The following PDS5A variants were observed in gnomAD, a reference collection of about 807,000 sequenced individuals.
The protein encoded by PDS5A is sister chromatid cohesion protein PDS5 homolog A.
PDS5A carries 42 observed loss-of-function variants against 167.1 expected under a neutral mutation model. The observed-to-expected ratio is 0.25, with a 90% CI of 0.20 to 0.33. The LOEUF (loss-of-function observed/expected upper bound fraction) is 0.33, where lower values mean the gene tolerates loss of function less well. Among genes scored for constraint, PDS5A ranks in the 10% least tolerant of loss-of-function variants. PDS5A has a pLI of 1.00. For missense variants in PDS5A, 1,033 were observed against 1,605.9 expected (o/e 0.64, Z 6.10); for synonymous variants, 553 against 554.6 (o/e 1.00, Z 0.04).
chr4:39,857,095 G>A, intron 26 of PDS5A, among the ~76,000 whole-genome samples: 1 of 152,134 alleles, frequency 6.6e-6, no homozygotes, highest in East Asian at 1.9e-4. Context: ...GCTCATGCCT[G>A]TAATCTCAGC....
intron 4 of PDS5A, 111 bp downstream of exon 4, chr4:39,926,664 A>G: frequency 1.3e-6 from 1 of 745,094 alleles, no homozygotes. Context: ...AAGACATTTT[A>G]TTATAGGCTT....
intron 2 of PDS5A, chr4:39,933,532 C>T (rs2109750923): frequency 6.6e-6 from 1 of 151,994 alleles, no homozygotes; most frequent in East Asian, 1.9e-4. Context: ...CCCAATTGCA[C>T]TTGATATTGC....
At chr4:39,897,995 G>T in intron 16 of PDS5A, 3 of 924,070 alleles carry the variant, frequency 3.2e-6, no homozygotes, top group Non-Finnish European at 2.6e-6. Flanking sequence ...TACTTTATCT[G>T]TAAATGAAAC....
intron 17 of PDS5A, among the ~76,000 whole-genome samples, chr4:39,884,866 C>CATATGTCCT: frequency 6.6e-6 from 1 of 152,158 alleles, no homozygotes; most frequent in South Asian, 2.1e-4. Flanking sequence ...TCCTATAGAC[C>CATATGTCCT]ATTAACTAAC....
At chr4:39,943,758 G>T (rs1306303161) in intron 2 of PDS5A, among the ~76,000 whole-genome samples, 1 of 151,936 alleles carries the variant, frequency 6.6e-6, no homozygotes, top group Non-Finnish European at 1.5e-5. Flanking sequence ...AGTGAGCCGA[G>T]ATCGTATCAC....
chr4:39,891,517 G>A (rs147060505), intron 16 of PDS5A, among the ~76,000 whole-genome samples: 9 of 151,812 alleles, frequency 5.9e-5, no homozygotes, highest in African/African-American at 2.2e-4. Context: ...GCTTGGTGGC[G>A]CATGCCTGTA....
chr4:39,838,362 G>GGA (rs1716628710), intron 31 of PDS5A, among the ~76,000 whole-genome samples, 154 bp from the exon 32 acceptor site: 1 of 152,206 alleles, frequency 6.6e-6, no homozygotes, highest in South Asian at 2.1e-4. Flanking sequence ...AGCTCCTTGA[G>GGA]GAGAGTGACT....
chr4:39,890,491 G>A, intron 16 of PDS5A, 127 bp from the exon 17 acceptor site: 1 of 556,956 alleles, frequency 1.8e-6, no homozygotes, highest in Non-Finnish European at 3.1e-6. Context: ...TCTAGACCCT[G>A]ACTAAAATTT....
intron 2 of PDS5A, among the ~76,000 whole-genome samples, chr4:39,968,599 A>G (rs1730210875): frequency 6.6e-6 from 1 of 150,982 alleles, no homozygotes; most frequent in South Asian, 2.1e-4. Flanking sequence ...CACCCGGCTA[A>G]TTTTATATTT....
chr4:39,841,469 G>A (rs1039956267), intron 31 of PDS5A, among the ~76,000 whole-genome samples: 3 of 152,016 alleles, frequency 2.0e-5, no homozygotes, highest in Admixed American at 2.0e-4. Flanking sequence ...GTTGAAATGG[G>A]TAGTATAGGA....
Position 39,890,218 on chromosome 4 carries a change from T to C in PDS5A, c.1886+31A>G. On this transcript the variant is annotated intron_variant, in intron 17 of 32. Coordinates refer to ENST00000303538, the MANE Select transcript of PDS5A (RefSeq NM_001100399.2). ...AACATTGTCGTTGCAGATTATTATT[T>C]ATTTTTGAGCGAATATACTTCTTGG... 3 of 1,181,808 alleles carry C rather than the reference T, an allele frequency of 2.5e-6. No homozygotes were observed. In the South Asian group the frequency reaches 4.2e-5, roughly 16 times the overall value. The allele number at this position is 1,181,808 out of a possible 1,614,324, so 73.2% of individuals were successfully genotyped here. A position where few individuals can be genotyped will look rare whatever the true frequency, so the allele number is the denominator to read the frequency against.
At chr4:39,960,670 A>G (rs1308670031) in intron 2 of PDS5A, among the ~76,000 whole-genome samples, 1 of 151,754 alleles carries the variant, frequency 6.6e-6, no homozygotes, top group Non-Finnish European at 1.5e-5. Flanking sequence ...CTGGGACTAC[A>G]GGCACCTGCC....
In PDS5A at chr4:39,911,432, C is replaced by A. The variant is rs73129435; in HGVS notation, c.993-1094G>T. 2.5e-3 allele frequency among the ~76,000 whole-genome samples: 374 copies of A among 151,322 alleles called. 2 individuals are homozygous for A. Among genetic ancestry groups the A allele is most frequent in the African/African-American group, 8.3e-3 (342 of 41,286 alleles). ...AAAAATTTGTGTTGCACTGTCTCAC[C>A]ACTTAAGTTTCTTTTGGCCAGCACC... On this transcript the variant is annotated intron_variant, in intron 9 of 32. Transcript: ENST00000303538.
chr4:39,973,312 T>A (rs1374878164), intron 2 of PDS5A: 70 of 1,606,826 alleles, frequency 4.4e-5, no homozygotes, highest in Non-Finnish European at 6.8e-6. Context: ...CAAAGGTTCC[T>A]GACCTTGTAC....
chr4:39,836,634 T>C (rs1716428255), intron 32 of PDS5A, among the ~76,000 whole-genome samples: 1 of 137,160 alleles, frequency 7.3e-6, no homozygotes, highest in South Asian at 2.3e-4. Context: ...TTTTTTTTTT[T>C]TGTATTTTTA....
intron 2 of PDS5A, among the ~76,000 whole-genome samples, chr4:39,952,209 T>C (rs1407007893): frequency 6.6e-6 from 1 of 152,106 alleles, no homozygotes; most frequent in Non-Finnish European, 1.5e-5. Flanking sequence ...CATGTGCCTG[T>C]AGTCCCAGCT....
At chr4:39,848,022 T>C (rs532850135) in intron 28 of PDS5A, 2 of 152,320 alleles carry the variant, frequency 1.3e-5, no homozygotes, top group African/African-American at 4.8e-5. Flanking sequence ...GCGAGGGATC[T>C]AGGCTGTGTG....
chr4:39,910,395 T>C lies in PDS5A; in HGVS notation c.993-57A>G. 3 of 842,850 alleles carry C rather than the reference T, an allele frequency of 3.6e-6. No homozygotes were observed. The South Asian group carries it at 4.4e-5, about 12-fold the overall frequency. The allele number at this position is 842,850 out of a possible 1,614,324, so 52.2% of individuals were successfully genotyped here. On this transcript the variant is annotated intron_variant, in intron 9 of 32. Coordinates refer to ENST00000303538, the MANE Select transcript of PDS5A (RefSeq NM_001100399.2). ...GTAAGGCAAAATAATCACTCTCAAA[T>C]CAGGTATATCTAACATGAAAATACT... is the stretch of plus-strand genomic sequence containing the variant.
intron 2 of PDS5A, among the ~76,000 whole-genome samples, chr4:39,975,041 G>A (rs540529227): frequency 2.0e-5 from 3 of 151,014 alleles, no homozygotes; most frequent in Admixed American, 1.3e-4. Flanking sequence ...CCGGGAGGTG[G>A]AGGTTGCAGT....
Sources: gnomAD v4.1 joint callset for allele counts (sites outside exome capture counted in the v4.1 genomes callset) on GRCh38, gnomAD v4.1.1 for gene constraint, MANE v1.5 for transcripts, NCBI Gene and HGNC (gene_info 2026-07-23, HGNC 2026-07-21) for gene names.